Variants in FOXF2 observed in about 807,000 individuals in gnomAD.
FOXF2 encodes the protein forkhead box protein F2.
FOXF2 carries 15 observed loss-of-function variants against 29.1 expected under a neutral mutation model. The ratio of observed to expected loss-of-function variants is 0.52; its 90% CI spans 0.35 to 0.79. FOXF2 has a LOEUF of 0.79. FOXF2 is among the 30% of genes least tolerant of loss of function. The pLI is 0.01. For synonymous variants in FOXF2, 337 were observed against 316.5 expected (o/e 1.06, Z -0.69); for missense variants, 675 against 667.1 (o/e 1.01, Z -0.13).
rs1366202928 is a variant in FOXF2, at chr6:1,390,583, C to T, written c.636C>T (p.Ser212=). 6.3e-6 allele frequency: 10 copies of T among 1,598,472 alleles called. No individual in the cohort carries two copies. Among genetic ancestry groups the T allele is most frequent in the Non-Finnish European group, 8.5e-6 (10 of 1,176,100 alleles). The change falls in exon 1 of 2, where the codon AGC becomes AGT. Residue 212 remains serine (S), a synonymous_variant. Coordinates refer to ENST00000645481, the MANE Select transcript of FOXF2 (RefSeq NM_001452.2). The surrounding 1 kb of genome is among the most constrained non-coding windows in gnomAD (Gnocchi z 8.5). ...AGCCCATGTACCACCGCGTGGTGAG[C>T]GGCTTGGGCTTCGGGGCGTCGCTGC... ...ALKPMYHRVV[S]GLGFGASLLP... is the part of the protein sequence containing the mutation.
chr6:1,392,477 C>CACACACACACACACACACA (rs3063208), intron 1 of FOXF2, among the ~76,000 whole-genome samples: 1 of 149,484 alleles, frequency 6.7e-6, no homozygotes, highest in African/African-American at 2.4e-5. Context: ...CACACACACA[C>CACACACACACACACACACA]CCCTCGGTGC....
In FOXF2 at chr6:1,390,085, C is replaced by G. The variant is rs1388280194; in HGVS notation, c.138C>G (p.Ser46=). The part of the protein sequence containing the change: ...AAAAAAPETT[S]SSSSSSSASC... ...CCGCCGCCGCCCCGGAGACCACCTC[C>G]TCCTCCTCGTCGTCGTCCTCCGCCT... The change falls in exon 1 of 2, where the codon TCC becomes TCG. Residue 46 remains serine (S), a synonymous_variant. Coordinates refer to ENST00000645481, the MANE Select transcript of FOXF2 (RefSeq NM_001452.2). This position sits in a 1 kb window ranked among gnomAD's most constrained non-coding sequence, Gnocchi z 8.5. 18 of 1,426,690 alleles carry G rather than the reference C, an allele frequency of 1.3e-5. No homozygotes were observed. Among genetic ancestry groups the G allele is most frequent in the Non-Finnish European group, 1.6e-5 (17 of 1,081,340 alleles). The allele number at this position is 1,426,690 out of a possible 1,614,324, so 88.4% of individuals were successfully genotyped here. A position where few individuals can be genotyped will look rare whatever the true frequency, so the allele number is the denominator to read the frequency against.
chr6:1,391,088 T>A lies in FOXF2; in HGVS notation c.1141T>A (p.Leu381Met). 6.2e-7 allele frequency: 1 copy of A among 1,603,818 alleles called. No homozygotes were observed. The highest frequency in any genetic ancestry group is 8.5e-7 in the Non-Finnish European group (1 of 1,179,724). The change falls in exon 1 of 2, where the codon TTG becomes ATG. Residue 381 changes from leucine to methionine, a missense_variant. Leu to Met is a conservative substitution (Grantham distance 15). Transcript: ENST00000645481. The stretch of plus-strand genomic sequence containing the variant: ...CTCCTACTCGCTGGAGCAGAGCTAC[T>A]TGCACCAGAACGCTCGCGAGGACCT... ...MSSYSLEQSY[L>M]HQNAREDLSV...
In FOXF2 at chr6:1,394,883, C is replaced by G. The variant is rs749464291; in HGVS notation, c.*24C>G. ...GAACGGAAAGAGGCCAAGCGATGGC[C>G]GCTCTCTCCTCTCCCCTCCTCAGAG... On this transcript the variant is annotated 3_prime_UTR_variant, in exon 2 of 2. Transcript: ENST00000645481. 1.9e-6 allele frequency: 3 copies of G among 1,613,052 alleles called. No homozygotes were observed. The highest frequency in any genetic ancestry group is 2.5e-6 in the Non-Finnish European group (3 of 1,179,144).
Position 1,394,976 on chromosome 6 carries a change from C to A in FOXF2, c.*117C>A. ...GGATAGCAGTAAGCCACACACCTGC[C>A]ACTTAGCCAGAATGCCCAGGATCGC... On this transcript the variant is annotated 3_prime_UTR_variant, in exon 2 of 2. Transcript: ENST00000645481. The A allele has an allele frequency of 9.7e-7, 1 of 1,034,402 alleles. No individual in the cohort carries two copies. Among genetic ancestry groups the A allele is most frequent in the Non-Finnish European group, 1.5e-6 (1 of 675,832 alleles). The allele number at this position is 1,034,402 out of a possible 1,614,324, so 64.1% of individuals were successfully genotyped here. A position where few individuals can be genotyped will look rare whatever the true frequency, so the allele number is the denominator to read the frequency against.
Position 1,390,470 on chromosome 6 carries a change from A to G in FOXF2, c.523A>G (p.Thr175Ala). ...GCGGCCCGGCAAGGGCCACTACTGG[A>G]CCATCGACCCGGCCAGCGAGTTCAT... ...LGRPGKGHYW[T>A]IDPASEFMFE... The change falls in exon 1 of 2, where the codon ACC (threonine) becomes GCC (alanine). Residue 175 changes from threonine (T) to alanine (A), a missense_variant. This residue lies in a region of FOXF2 where 451 missense variants were observed against 437.2 expected (regional missense o/e 1.03). Coordinates refer to ENST00000645481, the MANE Select transcript of FOXF2 (RefSeq NM_001452.2). The surrounding 1 kb of genome is among the most constrained non-coding windows in gnomAD (Gnocchi z 8.5). The G allele has an allele frequency of 1.2e-6, 2 of 1,611,876 alleles. No individual in the cohort carries two copies. The highest frequency in any genetic ancestry group is 1.7e-6 in the Non-Finnish European group (2 of 1,179,840).
Position 1,391,020 on chromosome 6 carries a change from G to A in FOXF2, c.1073G>A (p.Ser358Asn). The A allele has an allele frequency of 6.3e-7, 1 of 1,598,850 alleles. No individual in the cohort carries two copies. Among genetic ancestry groups the A allele is most frequent in the Non-Finnish European group, 8.5e-7 (1 of 1,178,122 alleles). ...YLKQPPALTP[S>N]SNPAASAGLH... ...AAGCAGCCGCCTGCCCTGACGCCCA[G>A]CAGCAACCCCGCCGCCTCGGCAGGC... The change falls in exon 1 of 2, where the codon AGC becomes AAC. Residue 358 changes from serine to asparagine, a missense_variant. Around this residue, in one of 3 missense-constraint regions of FOXF2, gnomAD observed 451 missense variants for 437.2 expected, o/e 1.03. Coordinates refer to ENST00000645481, the MANE Select transcript of FOXF2 (RefSeq NM_001452.2).
In FOXF2 at chr6:1,391,096, G is replaced by C. The variant is rs11759800; in HGVS notation, c.1149G>C (p.Gln383His). Residue 383 changes from glutamine to histidine, a missense_variant, in exon 1 of 2, where the codon CAG (glutamine) becomes CAC (histidine). Transcript: ENST00000645481. ...SYSLEQSYLH[Q>H]NAREDLSVGL... ...CGCTGGAGCAGAGCTACTTGCACCA[G>C]AACGCTCGCGAGGACCTCTCAGGTA... The C allele has an allele frequency of 1.2e-6, 2 of 1,602,920 alleles. No individual in the cohort carries two copies. Among genetic ancestry groups the C allele is most frequent in the African/African-American group, 2.7e-5 (2 of 74,936 alleles).
rs969379671 is a variant in FOXF2 at position 1,395,043 on chromosome 6, C to G, written c.*184C>G. The stretch of plus-strand genomic sequence containing the variant: ...TGCCTACTGCTGGAAGAAGGACAAC[C>G]GCTGGCAAGGTAGCGTTCCCCAATC... On this transcript the variant is annotated 3_prime_UTR_variant, in exon 2 of 2. Transcript: ENST00000645481. The G allele has an allele frequency of 6.2e-6, 4 of 641,276 alleles. No individual in the cohort carries two copies. The highest frequency in any genetic ancestry group is 1.8e-5 in the African/African-American group (1 of 54,878). The allele number at this position is 641,276 out of a possible 1,614,324, so 39.7% of individuals were successfully genotyped here.
In FOXF2 at chr6:1,394,721, C is replaced by T. The variant is rs139676326; in HGVS notation, c.1197C>T (p.His399=). 51 of 1,614,010 alleles carry T rather than the reference C, an allele frequency of 3.2e-5. No homozygotes were observed. Among genetic ancestry groups the T allele is most frequent in the Non-Finnish European group, 4.2e-5 (50 of 1,180,014 alleles). ...LSVGLPRYQH[H]STPVCDRKDF... The stretch of plus-strand genomic sequence containing the variant: ...TGGGACTGCCCCGTTACCAGCATCA[C>T]TCTACTCCAGTGTGTGACAGAAAAG... The change falls in exon 2 of 2, where the codon CAC becomes CAT. Residue 399 remains histidine (H), a synonymous_variant. Coordinates refer to ENST00000645481, the MANE Select transcript of FOXF2 (RefSeq NM_001452.2).
intron 1 of FOXF2, among the ~76,000 whole-genome samples, chr6:1,394,048 C>T (rs1400126170): frequency 6.6e-6 from 1 of 152,244 alleles, no homozygotes; most frequent in Admixed American, 6.5e-5. Context: ...CCCTGAAGTC[C>T]CGGCTTCTCT....
At chr6:1,393,441 G>A (rs764313898) in intron 1 of FOXF2, among the ~76,000 whole-genome samples, 4 of 152,008 alleles carry the variant, frequency 2.6e-5, no homozygotes, top group Non-Finnish European at 5.9e-5. Flanking sequence ...TTGCTTTAAC[G>A]CGACGAGGGA....
Position 1,390,444 on chromosome 6 carries a change from G to C in FOXF2, c.497G>C (p.Gly166Ala). 1.2e-6 allele frequency: 2 copies of C among 1,611,940 alleles called. No homozygotes were observed. Among genetic ancestry groups the C allele is most frequent in the Non-Finnish European group, 1.7e-6 (2 of 1,179,926 alleles). Residue 166 changes from glycine (G) to alanine (A), a missense_variant, in exon 1 of 2, where the codon GGG becomes GCG. Physicochemically the swap from Gly to Ala is moderately conservative, Grantham distance 60 (BLOSUM62 0). This residue lies in a region of FOXF2 where 451 missense variants were observed against 437.2 expected (regional missense o/e 1.03). Transcript: ENST00000645481. The surrounding 1 kb of genome is among the most constrained non-coding windows in gnomAD (Gnocchi z 8.5). ...TTCATCAAGCTGCCTAAGGGCCTCGGGCGGCCCGGCAAGGGCCACTACTGG... is the reference window on the plus strand; with the variant it reads ...TTCATCAAGCTGCCTAAGGGCCTCGCGCGGCCCGGCAAGGGCCACTACTGG... ...ECFIKLPKGLGRPGKGHYWTI... is the reference protein window; with the variant it reads ...ECFIKLPKGLARPGKGHYWTI...
chr6:1,390,928 C>T lies in FOXF2; in HGVS notation c.981C>T (p.Ile327=). ...CGTCCCCGGCCATGGCGAGCGCCAT[C>T]GAATGCCACTCGCCCTACACGAGCC... The part of the protein sequence containing the change: ...VPSSPAMASA[I]ECHSPYTSPA... Residue 327 remains isoleucine, a synonymous_variant, in exon 1 of 2, where the codon ATC becomes ATT. Transcript: ENST00000645481. This position sits in a 1 kb window ranked among gnomAD's most constrained non-coding sequence, Gnocchi z 8.5. 6.4e-7 allele frequency: 1 copy of T among 1,571,566 alleles called. No homozygotes were observed. The highest frequency in any genetic ancestry group is 8.6e-7 in the Non-Finnish European group (1 of 1,166,466).
intron 1 of FOXF2, among the ~76,000 whole-genome samples, chr6:1,391,937 G>A (rs1561785282): frequency 6.6e-6 from 1 of 152,226 alleles, no homozygotes; most frequent in East Asian, 1.9e-4. Flanking sequence ...GGGGACGGTA[G>A]GGATGGAAGA....
intron 1 of FOXF2, 27 bp from the exon 2 acceptor site, chr6:1,394,667 AAG>A: frequency 6.2e-7 from 1 of 1,613,268 alleles, no homozygotes; most frequent in Non-Finnish European, 8.5e-7. Flanking sequence ...TTTGTTTCTG[AAG>A]AGGTTTTTTT....
At chr6:1,393,620 C>T (rs1758841143) in intron 1 of FOXF2, among the ~76,000 whole-genome samples, 1 of 152,172 alleles carries the variant, frequency 6.6e-6, no homozygotes, top group East Asian at 1.9e-4. Context: ...GGGGCTGAGG[C>T]CACGAGAGCA....
chr6:1,393,640 C>A (rs1306297688), intron 1 of FOXF2, among the ~76,000 whole-genome samples: 1 of 152,182 alleles, frequency 6.6e-6, no homozygotes, highest in Admixed American at 6.5e-5. Flanking sequence ...AGGGCCCGAG[C>A]CCGGCGGGCC....
rs1309176028 is a variant in FOXF2, at chr6:1,395,350, AG to A, written c.*492del. 1.2e-5 allele frequency: 2 copies of A among 166,562 alleles called. No individual in the cohort carries two copies. The highest frequency in any genetic ancestry group is 4.8e-5 in the African/African-American group (2 of 41,760). 10.3% of individuals were successfully genotyped at this position (166,562 alleles called of 1,614,324 possible). A position where few individuals can be genotyped will look rare whatever the true frequency, so the allele number is the denominator to read the frequency against. On this transcript the variant is annotated 3_prime_UTR_variant, in exon 2 of 2. Coordinates refer to ENST00000645481, the MANE Select transcript of FOXF2 (RefSeq NM_001452.2). ...CACTACATTTGGATACAGGTGCCAA[AG>A]AACATTATTAAGGAATTATTTAGAA...
Sources: gnomAD v4.1 joint callset for allele counts (sites outside exome capture counted in the v4.1 genomes callset) on GRCh38, gnomAD v4.1.1 for gene constraint, gnomAD v4.1.1 regional missense constraint, Gnocchi (gnomAD v3.1) non-coding constraint, MANE v1.5 for transcripts, NCBI Gene and HGNC (gene_info 2026-07-23, HGNC 2026-07-21) for gene names.